RAPH1: variants seen among roughly 807,000 people sequenced by gnomAD.
RAPH1 encodes ras-associated and pleckstrin homology domains-containing protein 1.
Under a neutral mutation model 88.1 loss-of-function variants are expected in RAPH1, and 18 were observed. The ratio of observed to expected loss-of-function variants is 0.20; its 90% confidence interval spans 0.14 to 0.30. The LOEUF (loss-of-function observed/expected upper bound fraction) is 0.30. Among genes scored for constraint, RAPH1 ranks in the 10% least tolerant of loss-of-function variants. RAPH1 has a pLI of 1.00. For synonymous variants in RAPH1, 587 were observed against 559.0 expected (o/e 1.05, Z -0.71); for missense variants, 1,448 against 1,543.2 (o/e 0.94, Z 1.03).
At position 203,437,483 on chromosome 2, in the gene RAPH1, A is replaced by G. The variant is rs867917254; in HGVS notation, c.*1954T>C. On this transcript the variant is annotated 3_prime_UTR_variant, in exon 14 of 14. Transcript: ENST00000319170. ...TCAAACATTACCCAAATTTCTGTGC[A>G]TGCTTAAATTAACAATGCAGATGTG... 7 of 152,370 alleles carry G rather than the reference A, an allele frequency of 4.6e-5. No individual in the cohort carries two copies. The South Asian group carries it at 1.4e-3, about 32-fold the overall frequency. 9.4% of individuals were successfully genotyped at this position (152,370 alleles called of 1,614,324 possible).
At chr2:203,534,973 C>T (rs1296906365) in intron 1 of RAPH1, 138 bp downstream of exon 1, 1 of 152,314 alleles carries the variant, frequency 6.6e-6, no homozygotes, top group Non-Finnish European at 1.5e-5. Flanking sequence ...CCGCCCCAGG[C>T]TGCCGCCGAC....
chr2:203,488,186 G>A (rs181141644), intron 4 of RAPH1, among the ~76,000 whole-genome samples: 121 of 152,012 alleles, frequency 8.0e-4, no homozygotes, highest in African/African-American at 2.8e-3. Flanking sequence ...ACTTGTTACC[G>A]CAAATCTATT....
intron 1 of RAPH1, among the ~76,000 whole-genome samples, chr2:203,523,835 T>A (rs1325904551): frequency 2.0e-5 from 3 of 152,098 alleles, no homozygotes; most frequent in African/African-American, 4.8e-5. Flanking sequence ...TGAAACCCCA[T>A]CTCTACTAAA....
chr2:203,496,020 T>A (rs1688493848), intron 1 of RAPH1, among the ~76,000 whole-genome samples: 1 of 152,214 alleles, frequency 6.6e-6, no homozygotes, highest in Non-Finnish European at 1.5e-5. Context: ...ACTTTTCAAA[T>A]ATAAGTCCCT....
chr2:203,494,345 G>A (rs1489295441), intron 2 of RAPH1, among the ~76,000 whole-genome samples: 3 of 152,026 alleles, frequency 2.0e-5, no homozygotes, highest in East Asian at 3.9e-4. Flanking sequence ...TATTACTGGG[G>A]CAATAATAAC....
At chr2:203,499,005 C>G (rs982997875) in intron 1 of RAPH1, among the ~76,000 whole-genome samples, 1 of 150,156 alleles carries the variant, frequency 6.7e-6, no homozygotes, top group African/African-American at 2.4e-5. Context: ...AGGCTATACT[C>G]TACAGCCTAG....
rs2153636558 is a variant in RAPH1 at position 203,448,232 on chromosome 2, AATT to A, written c.1513-156_1513-154del. On this transcript the variant is annotated intron_variant, in intron 11 of 13. Coordinates refer to ENST00000319170, the MANE Select transcript of RAPH1 (RefSeq NM_213589.3). The surrounding 1 kb of genome is among the most constrained non-coding windows in gnomAD (Gnocchi z 4.1). ...GTTCAAAAATTCCTCTAATACCATAAATTATAATCTATTCTTATTTCTCCTCAT... is the reference window on the plus strand; with the variant it reads ...GTTCAAAAATTCCTCTAATACCATAAATAATCTATTCTTATTTCTCCTCAT... Among the ~76,000 whole-genome samples the A allele has an allele frequency of 1.3e-5, 2 of 152,288 alleles. No individual in the cohort carries two copies. The highest frequency in any genetic ancestry group is 3.9e-4 in the East Asian group (2 of 5,192).
intron 4 of RAPH1, among the ~76,000 whole-genome samples, chr2:203,480,777 TTCCA>T (rs1480797592): frequency 1.3e-5 from 2 of 152,184 alleles, no homozygotes; most frequent in Non-Finnish European, 2.9e-5. Flanking sequence ...CGTATGCATT[TTCCA>T]CAAATAGTAT....
At chr2:203,485,294 C>T (rs1312086048) in intron 4 of RAPH1, among the ~76,000 whole-genome samples, 2 of 151,946 alleles carry the variant, frequency 1.3e-5, no homozygotes, top group South Asian at 2.1e-4. Context: ...GCTTGTAATC[C>T]CTGCTACTCG....
chr2:203,444,619 A>C (rs2098507746), intron 13 of RAPH1: 1 of 422,382 alleles, frequency 2.4e-6, no homozygotes, highest in Non-Finnish European at 4.2e-6. Context: ...TTAAACTGCC[A>C]GTTTTTTTTG....
intron 1 of RAPH1, among the ~76,000 whole-genome samples, chr2:203,522,102 A>G (rs1207440474): frequency 6.6e-6 from 1 of 152,312 alleles, no homozygotes; most frequent in East Asian, 1.9e-4. Flanking sequence ...TTTAAATATT[A>G]ATATCCAAAA....
Position 203,506,522 on chromosome 2 carries a change from AAAAAAAC to A in RAPH1, c.1-11176_1-11170del, listed in dbSNP as rs528384948. Among the ~76,000 whole-genome samples, 556 of 151,754 alleles carry A rather than the reference AAAAAAAC, an allele frequency of 3.7e-3. 4 individuals are homozygous for A. The highest frequency in any genetic ancestry group is 0.012 in the African/African-American group (500 of 41,386). On this transcript the variant is annotated intron_variant, in intron 1 of 13. Transcript: ENST00000319170. ...GCAACAGAGCGAGACTCCGTCTCAA[AAAAAAAC>A]AAAAAACAAAAAACAAAAAACAAGA...
At chr2:203,521,135 C>G (rs1689847861) in intron 1 of RAPH1, among the ~76,000 whole-genome samples, 1 of 152,122 alleles carries the variant, frequency 6.6e-6, no homozygotes, top group Non-Finnish European at 1.5e-5. Context: ...CTCACTGTAA[C>G]CTCTGCCTCC....
Position 203,448,971 on chromosome 2 carries a change from G to A in RAPH1, c.1414-135C>T. ...GCCAATACATTTATGCTTCTTATAT[G>A]GCCATAAGGCCAAATAAAGTAGCCC... On this transcript the variant is annotated intron_variant, in intron 10 of 13. Transcript: ENST00000319170. The surrounding 1 kb of genome is among the most constrained non-coding windows in gnomAD (Gnocchi z 4.1). 2.3e-6 allele frequency: 1 copy of A among 433,584 alleles called. No individual in the cohort carries two copies. Among genetic ancestry groups the A allele is most frequent in the Non-Finnish European group, 4.0e-6 (1 of 248,806 alleles). 26.9% of individuals were successfully genotyped at this position (433,584 alleles called of 1,614,324 possible).
At chr2:203,487,249 G>A (rs990601926) in intron 4 of RAPH1, among the ~76,000 whole-genome samples, 1 of 152,140 alleles carries the variant, frequency 6.6e-6, no homozygotes, top group Non-Finnish European at 1.5e-5. Flanking sequence ...AACAAAGAAT[G>A]GCCAAGAAAG....
chr2:203,473,043 A>G (rs2098534488), intron 4 of RAPH1, among the ~76,000 whole-genome samples: 1 of 152,186 alleles, frequency 6.6e-6, no homozygotes, highest in Admixed American at 6.6e-5. Flanking sequence ...GTTAAACATG[A>G]TCATAAATTA....
chr2:203,492,400 T>C (rs1383876821), intron 2 of RAPH1, among the ~76,000 whole-genome samples: 1 of 152,206 alleles, frequency 6.6e-6, no homozygotes, highest in East Asian at 1.9e-4. Flanking sequence ...CTAATTTTAA[T>C]GGAAAGTGAT....
At position 203,440,999 on chromosome 2, in the gene RAPH1, C is replaced by T; in HGVS notation, c.2191G>A (p.Ala731Thr). Residue 731 changes from alanine to threonine, a missense_variant, in exon 14 of 14, where the codon GCA becomes ACA. Transcript: ENST00000319170. ...TGTGGAAGGGATGGGGCACACGGTG[C>T]AGGCTTTAGCTGGGCCATGGCAGAG... is the stretch of plus-strand genomic sequence containing the variant. ...PGSAMAQLKP[A>T]PCAPSLPQFS... The T allele has an allele frequency of 6.6e-7, 1 of 1,506,496 alleles. No individual in the cohort carries two copies. Among genetic ancestry groups the T allele is most frequent in the Non-Finnish European group, 8.9e-7 (1 of 1,126,440 alleles). 93.3% of individuals were successfully genotyped at this position (1,506,496 alleles called of 1,614,324 possible).
At chr2:203,494,153 G>A (rs2105847722) in intron 2 of RAPH1, among the ~76,000 whole-genome samples, 1 of 152,196 alleles carries the variant, frequency 6.6e-6, no homozygotes, top group Non-Finnish European at 1.5e-5. Flanking sequence ...AGTAATTTAA[G>A]CTTCCACCTT....
Sources: gnomAD v4.1 joint callset for allele counts (sites outside exome capture counted in the v4.1 genomes callset) on GRCh38, gnomAD v4.1.1 for gene constraint, Gnocchi (gnomAD v3.1) non-coding constraint, MANE v1.5 for transcripts, NCBI Gene and HGNC (gene_info 2026-07-23, HGNC 2026-07-21) for gene names.